BBOF1: variants seen among roughly 807,000 people sequenced by gnomAD.
The protein encoded by BBOF1 is basal body orientation factor 1, also known as basal body-orientation factor 1.
BBOF1 carries 62 observed loss-of-function variants against 68.0 expected under a neutral mutation model. That is an observed-to-expected ratio of 0.91 (90% CI 0.74 to 1.13). The LOEUF (loss-of-function observed/expected upper bound fraction) is 1.13, where lower values mean the gene tolerates loss of function less well. Among genes scored for constraint, BBOF1 ranks in the 50% most tolerant of loss-of-function variants. BBOF1 has a pLI of 0.00. For missense variants in BBOF1, 534 were observed against 600.1 expected (o/e 0.89, Z 1.15); for synonymous variants, 208 against 198.8 (o/e 1.05, Z -0.39).
chr14:74,034,815 G>T (rs1486269580), intron 4 of BBOF1, among the ~76,000 whole-genome samples: 1 of 152,146 alleles, frequency 6.6e-6, no homozygotes, highest in Non-Finnish European at 1.5e-5. Flanking sequence ...TCTCAGCCAG[G>T]CATGGTGGCT....
chr14:74,035,815 T>C (rs1246531441), intron 4 of BBOF1, among the ~76,000 whole-genome samples: 1 of 151,914 alleles, frequency 6.6e-6, no homozygotes, highest in African/African-American at 2.4e-5. Context: ...CTGAGCGGGA[T>C]GTAGACAGAA....
At chr14:74,036,730 C>A (rs1039811385) in intron 4 of BBOF1, among the ~76,000 whole-genome samples, 113 of 143,498 alleles carry the variant, frequency 7.9e-4, no homozygotes, top group African/African-American at 2.8e-3. Flanking sequence ...CCACTGTAAA[C>A]AGAATATTGT....
chr14:74,075,636 G>A lies in BBOF1; in HGVS notation n.1380-2560G>A, dbSNP rs73303183. 3.2e-3 allele frequency among the ~76,000 whole-genome samples: 469 copies of A among 148,828 alleles called. 1 individual carries two copies. The highest frequency in any genetic ancestry group is 0.011 in the African/African-American group (435 of 38,520). ...TATGCCACTGCACTCCAGCCAGGAA[G>A]AGAGAGGGAGACCTTGTCTCAAAAA... is the stretch of plus-strand genomic sequence containing the variant. On this transcript the variant is annotated intron_variant and non_coding_transcript_variant, in intron 9 of 12. Coordinates refer to the BBOF1 transcript ENST00000492026.
At chr14:74,046,023 G>A in intron 5 of BBOF1, 37 bp from the exon 6 acceptor site, 2 of 1,551,166 alleles carry the variant, frequency 1.3e-6, no homozygotes, top group Non-Finnish European at 1.7e-6. Flanking sequence ...TTGTTGTTAG[G>A]GGCATAATTA....
intron 8 of BBOF1, among the ~76,000 whole-genome samples, chr14:74,051,279 C>T (rs892684636): frequency 9.3e-5 from 14 of 151,046 alleles, no homozygotes; most frequent in South Asian, 6.3e-4. Context: ...ATTAGCTGGG[C>T]GTGGTGGCGG....
chr14:74,068,294 G>A (rs1374112042), downstream of BBOF1, among the ~76,000 whole-genome samples: 2 of 151,744 alleles, frequency 1.3e-5, no homozygotes, highest in African/African-American at 2.4e-5. Context: ...CATGAGAATT[G>A]TTAGAACCTG....
intron 5 of BBOF1, among the ~76,000 whole-genome samples, chr14:74,044,359 A>T (rs2139559545): frequency 6.6e-6 from 1 of 152,204 alleles, no homozygotes; most frequent in South Asian, 2.1e-4. Flanking sequence ...CAGTCTATTA[A>T]TTCTTTTTAT....
intron 4 of BBOF1, among the ~76,000 whole-genome samples, chr14:74,038,012 C>CT (rs1351710087): frequency 1.3e-4 from 13 of 100,560 alleles, no homozygotes; most frequent in Admixed American, 1.1e-3. Context: ...CATTTTCTAT[C>CT]TTTTTTATAC....
chr14:74,054,494 T>C (rs2060139636), intron 8 of BBOF1, among the ~76,000 whole-genome samples: 1 of 151,540 alleles, frequency 6.6e-6, no homozygotes, highest in African/African-American at 2.4e-5. Context: ...TTCTCCTGCC[T>C]CAGCCTCCTG....
chr14:74,072,042 A>C, intron 9 of BBOF1: 1 of 1,578,906 alleles, frequency 6.3e-7, no homozygotes, highest in Non-Finnish European at 8.7e-7. Flanking sequence ...GAGGTAGCAA[A>C]GGAAGAATAA....
intron 8 of BBOF1, among the ~76,000 whole-genome samples, chr14:74,052,224 A>G (rs1168449807): frequency 6.6e-6 from 1 of 151,820 alleles, no homozygotes; most frequent in Non-Finnish European, 1.5e-5. Context: ...GATTGTCTAC[A>G]TTGTTACTGC....
chr14:74,023,838 C>A (rs1460590284), intron 2 of BBOF1, among the ~76,000 whole-genome samples: 2 of 151,286 alleles, frequency 1.3e-5, no homozygotes, highest in Non-Finnish European at 2.9e-5. Flanking sequence ...ATTGCTTGAA[C>A]CCGGGAGGCA....
chr14:74,071,924 A>G (rs2060555536), intron 9 of BBOF1: 1 of 1,614,254 alleles, frequency 6.2e-7, no homozygotes. Flanking sequence ...CTCCTTCAGC[A>G]TCAGCTAGGG....
intron 4 of BBOF1, among the ~76,000 whole-genome samples, chr14:74,035,110 T>C (rs1414673225): frequency 6.6e-6 from 1 of 151,872 alleles, no homozygotes; most frequent in Non-Finnish European, 1.5e-5. Context: ...TAAAATAAAA[T>C]AAGAGTTACT....
intron 9 of BBOF1, chr14:74,074,944 A>G: frequency 6.2e-7 from 1 of 1,613,750 alleles, no homozygotes; most frequent in Non-Finnish European, 8.5e-7. Flanking sequence ...CTCTATGCCA[A>G]ATAAACTCAC....
At chr14:74,067,249 A>G (rs1595118666), downstream of BBOF1, 2 of 1,088,092 alleles carry the variant, frequency 1.8e-6, no homozygotes, top group African/African-American at 1.6e-5. Flanking sequence ...TCCAAATGAC[A>G]AGTACAGTAT....
chr14:74,077,139 A>T (rs923798253), intron 9 of BBOF1, among the ~76,000 whole-genome samples: 1 of 152,134 alleles, frequency 6.6e-6, no homozygotes, highest in Non-Finnish European at 1.5e-5. Flanking sequence ...ACTCTCCTGG[A>T]GCCCATCATG....
downstream of BBOF1, among the ~76,000 whole-genome samples, chr14:74,070,041 A>G (rs1282038177): frequency 1.3e-5 from 2 of 151,770 alleles, no homozygotes; most frequent in East Asian, 3.9e-4. Context: ...GGGTTTCGCC[A>G]CATGGCCCAG....
intron 1 of BBOF1, among the ~76,000 whole-genome samples, chr14:74,020,012 C>G (rs952453907): frequency 3.9e-5 from 6 of 152,166 alleles, no homozygotes; most frequent in Non-Finnish European, 8.8e-5. Context: ...TGGCACCAAA[C>G]TTGAGATGTT....
Sources: gnomAD v4.1 joint callset for allele counts (sites outside exome capture counted in the v4.1 genomes callset) on GRCh38, gnomAD v4.1.1 for gene constraint, MANE v1.5 for transcripts, NCBI Gene and HGNC (gene_info 2026-07-23, HGNC 2026-07-21) for gene names.